ETV1: variants seen among roughly 807,000 people sequenced by gnomAD.
The protein encoded by ETV1 is ETS variant transcription factor 1, also known as ETS translocation variant 1.
ETV1 carries 27 observed loss-of-function variants against 62.3 expected under a neutral mutation model. The ratio of observed to expected loss-of-function variants is 0.43; its 90% confidence interval spans 0.32 to 0.60. The LOEUF is 0.60. Among genes scored for constraint, ETV1 ranks in the 20% least tolerant of loss-of-function variants. ETV1 has a pLI of 0.06. For missense variants in ETV1, 605 were observed against 605.8 expected (o/e 1.00, Z 0.01); for synonymous variants, 222 against 199.6 (o/e 1.11, Z -0.94).
In ETV1 at chr7:13,894,831, C is replaced by T; in HGVS notation, c.*1035G>A. 4.3e-6 allele frequency: 1 copy of T among 232,748 alleles called. No homozygotes were observed. Among genetic ancestry groups the T allele is most frequent in the East Asian group, 6.1e-5 (1 of 16,360 alleles). 14.4% of individuals were successfully genotyped at this position (232,748 alleles called of 1,614,324 possible). A position where few individuals can be genotyped will look rare whatever the true frequency, so the allele number is the denominator to read the frequency against. The stretch of plus-strand genomic sequence containing the variant: ...AGCAGTAAAAGGTTTAAATGCATAT[C>T]AATGGGTACCATGTCTAAAAATTAC... On this transcript the variant is annotated 3_prime_UTR_variant, in exon 14 of 14. Transcript: ENST00000430479.
At chr7:13,953,192 C>T (rs1789029592) in intron 6 of ETV1, among the ~76,000 whole-genome samples, 1 of 152,102 alleles carries the variant, frequency 6.6e-6, no homozygotes, top group Non-Finnish European at 1.5e-5. Flanking sequence ...GGAATAAAAC[C>T]TGAACAAGCT....
intron 9 of ETV1, among the ~76,000 whole-genome samples, chr7:13,918,857 T>C (rs1392300988): frequency 2.5e-5 from 3 of 119,296 alleles, no homozygotes; most frequent in Non-Finnish European, 5.0e-5. Flanking sequence ...ACATGTACCC[T>C]AAAACTTAAA....
intron 6 of ETV1, among the ~76,000 whole-genome samples, chr7:13,952,021 T>TATCA (rs1788875837): frequency 1.3e-5 from 2 of 151,790 alleles, no homozygotes; most frequent in Non-Finnish European, 2.9e-5. Flanking sequence ...CCAATTTCTC[T>TATCA]ATCAGTCAAC....
In ETV1 at chr7:13,989,544, A is replaced by C. The variant is rs181247757; in HGVS notation, c.-285+19T>G. The C allele has an allele frequency of 9.5e-5, 38 of 399,126 alleles. No individual in the cohort carries two copies. The Admixed American group carries it at 1.6e-3, about 17-fold the overall frequency. The allele number at this position is 399,126 out of a possible 1,614,324, so 24.7% of individuals were successfully genotyped here. On this transcript the variant is annotated intron_variant, in intron 1 of 13. Transcript: ENST00000430479. Reference sequence around the variant, plus strand: ...TGCAATTATCTGGAGAGACATAAAAAGTTGTTGGAAAGACCCACCTGAAGG... The same window carrying C: ...TGCAATTATCTGGAGAGACATAAAACGTTGTTGGAAAGACCCACCTGAAGG...
At position 13,939,125 on chromosome 7, in the gene ETV1, G is replaced by A; in HGVS notation, c.357C>T (p.Tyr119=). 6.2e-7 allele frequency: 1 copy of A among 1,612,592 alleles called. No individual in the cohort carries two copies. The highest frequency in any genetic ancestry group is 8.5e-7 in the Non-Finnish European group (1 of 1,179,482). ...FKFSYGEKCL[Y]NVSAYDQKPQ... is the part of the protein sequence containing the mutation. ...ACACCTGGTGGCTTTACCTGACATT[G>A]TACAGGCACTTTTCTCCATAGCTGA... The change falls in exon 7 of 14, where the codon TAC becomes TAT. Residue 119 remains tyrosine, a synonymous_variant. Transcript: ENST00000430479.
At chr7:13,983,071 G>A (rs187402156) in intron 5 of ETV1, among the ~76,000 whole-genome samples, 57 of 151,896 alleles carry the variant, frequency 3.8e-4, no homozygotes, top group African/African-American at 1.4e-3. Context: ...AATAAGCTTT[G>A]CTGTAGAAAG....
intron 3 of ETV1, 153 bp downstream of exon 3, chr7:13,988,855 G>T (rs111326185): frequency 6.3e-7 from 1 of 1,584,240 alleles, no homozygotes; most frequent in Admixed American, 1.8e-5. Flanking sequence ...TTGAAGACTG[G>T]GCTTCTAGAA....
chr7:13,966,150 A>G (rs1790750630), intron 6 of ETV1, among the ~76,000 whole-genome samples: 1 of 152,170 alleles, frequency 6.6e-6, no homozygotes, highest in Non-Finnish European at 1.5e-5. Context: ...ATAGGACAAT[A>G]CTCTGTAAAT....
At chr7:13,922,143 ATTGAAATAATTTGT>A (rs1377112734) in intron 9 of ETV1, among the ~76,000 whole-genome samples, 1 of 152,144 alleles carries the variant, frequency 6.6e-6, no homozygotes, top group Non-Finnish European at 1.5e-5. Context: ...CATTATCTAT[ATTGAAATAATTTGT>A]TTAGGTGTTC....
At chr7:13,944,097 G>A (rs1054813972) in intron 6 of ETV1, among the ~76,000 whole-genome samples, 3 of 152,142 alleles carry the variant, frequency 2.0e-5, no homozygotes, top group Non-Finnish European at 4.4e-5. Flanking sequence ...CCATTAGCAT[G>A]GACCTAGAAG....
chr7:13,908,025 G>A (rs539111882), intron 11 of ETV1, among the ~76,000 whole-genome samples: 1 of 152,100 alleles, frequency 6.6e-6, no homozygotes, highest in Middle Eastern at 3.4e-3. Flanking sequence ...GGGAGTAACT[G>A]AGTAATTATG....
intron 9 of ETV1, among the ~76,000 whole-genome samples, chr7:13,928,818 T>C (rs993449830): frequency 2.0e-5 from 3 of 151,334 alleles, no homozygotes; most frequent in African/African-American, 7.3e-5. Context: ...ATCAGCCGGG[T>C]GTGGTGGTGG....
chr7:13,907,939 G>C, intron 11 of ETV1: 2 of 405,886 alleles, frequency 4.9e-6, no homozygotes, highest in South Asian at 3.7e-5. Flanking sequence ...ATATAGAAGT[G>C]TATCTTCATA....
intron 7 of ETV1, among the ~76,000 whole-genome samples, chr7:13,938,137 G>A (rs1787030004): frequency 6.6e-6 from 1 of 152,122 alleles, no homozygotes; most frequent in African/African-American, 2.4e-5. Flanking sequence ...TAGAGACGAG[G>A]TTTCTCCGTG....
At chr7:13,963,745 A>C (rs925179973) in intron 6 of ETV1, among the ~76,000 whole-genome samples, 8 of 152,182 alleles carry the variant, frequency 5.3e-5, no homozygotes, top group Admixed American at 2.6e-4. Context: ...AAGACCTATA[A>C]ATAAGAGGAT....
chr7:13,986,446 T>C, intron 5 of ETV1, 192 bp downstream of exon 5: 2 of 1,492,668 alleles, frequency 1.3e-6, no homozygotes, highest in South Asian at 1.4e-5. Context: ...TAATTTGTGA[T>C]GACACTGGGT....
chr7:13,916,056 A>G (rs1324327105), intron 9 of ETV1, among the ~76,000 whole-genome samples: 3 of 152,082 alleles, frequency 2.0e-5, no homozygotes, highest in Non-Finnish European at 4.4e-5. Context: ...ACATGAATGT[A>G]ACATCTTAGT....
In ETV1 at chr7:13,894,913, G is replaced by T. The variant is rs1182801331; in HGVS notation, c.*953C>A. On this transcript the variant is annotated 3_prime_UTR_variant, in exon 14 of 14. Transcript: ENST00000430479. ...TCTTAAAGAGTGTTTGCTGTAACTA[G>T]AACAGCATAATACATGATTTAGTAC... 1 of 232,714 alleles carries T rather than the reference G, an allele frequency of 4.3e-6. No homozygotes were observed. Among genetic ancestry groups the T allele is most frequent in the African/African-American group, 2.2e-5 (1 of 45,278 alleles). 14.4% of individuals were successfully genotyped at this position (232,714 alleles called of 1,614,324 possible). A position where few individuals can be genotyped will look rare whatever the true frequency, so the allele number is the denominator to read the frequency against.
At chr7:13,922,120 T>A (rs1335133625) in intron 9 of ETV1, among the ~76,000 whole-genome samples, 1 of 152,186 alleles carries the variant, frequency 6.6e-6, no homozygotes, top group Non-Finnish European at 1.5e-5. Context: ...TAGATTGATT[T>A]GAGAAGTATA....
Sources: gnomAD v4.1 joint callset for allele counts (sites outside exome capture counted in the v4.1 genomes callset) on GRCh38, gnomAD v4.1.1 for gene constraint, MANE v1.5 for transcripts, NCBI Gene and HGNC (gene_info 2026-07-23, HGNC 2026-07-21) for gene names.